The following UNC5C variants were observed in gnomAD, a reference collection of about 807,000 sequenced individuals.
UNC5C encodes the protein netrin receptor UNC5C.
In UNC5C, 47 loss-of-function variants were observed where a neutral mutation model predicts 99.8. The observed-to-expected ratio is 0.47, with a 90% CI of 0.37 to 0.60. UNC5C has a LOEUF of 0.60. Ranked by LOEUF, UNC5C falls within the 20% of genes least tolerant of loss-of-function variation. The pLI, the probability that UNC5C is intolerant of heterozygous loss-of-function variation, is 0.00. For synonymous variants in UNC5C, 487 were observed against 452.2 expected (o/e 1.08, Z -0.98); for missense variants, 1,062 against 1,165.9 (o/e 0.91, Z 1.30).
chr4:95,441,049 T>C (rs1320529639), intron 1 of UNC5C, among the ~76,000 whole-genome samples: 1 of 152,088 alleles, frequency 6.6e-6, no homozygotes, highest in Non-Finnish European at 1.5e-5. Context: ...GGACAGGTCA[T>C]TGGAAATAGA....
intron 2 of UNC5C, among the ~76,000 whole-genome samples, chr4:95,322,937 CAAA>C (rs34082198): frequency 2.2e-5 from 2 of 89,746 alleles, no homozygotes; most frequent in Non-Finnish European, 2.3e-5. Context: ...GATTCTGTCT[CAAA>C]AAAAAAAAAA....
intron 1 of UNC5C, among the ~76,000 whole-genome samples, chr4:95,419,027 G>A (rs1007279751): frequency 1.3e-5 from 2 of 152,046 alleles, no homozygotes; most frequent in African/African-American, 4.8e-5. Context: ...CAATATTTAA[G>A]CATCTCTTAT....
At position 95,362,249 on chromosome 4, in the gene UNC5C, C is replaced by T. The variant is rs148099020; in HGVS notation, c.125-26618G>A. ...GTTCGGTTTCCCACTCGCTTCCCCT[C>T]CTGCCCATCGGAGCGTTCCAATCCT... On this transcript the variant is annotated intron_variant, in intron 1 of 15. Transcript: ENST00000453304. Among the ~76,000 whole-genome samples the T allele has an allele frequency of 3.6e-3, 555 of 152,270 alleles. 2 individuals carry two copies. Among genetic ancestry groups the T allele is most frequent in the Non-Finnish European group, 6.7e-3 (459 of 68,032 alleles).
intron 4 of UNC5C, among the ~76,000 whole-genome samples, chr4:95,258,733 C>A (rs919304950): frequency 7.0e-6 from 1 of 143,742 alleles, no homozygotes; most frequent in Non-Finnish European, 1.5e-5. Flanking sequence ...TATGTGTAAT[C>A]GACCATCTTA....
At chr4:95,186,793 C>A (rs1367140744) in intron 12 of UNC5C, among the ~76,000 whole-genome samples, 1 of 152,114 alleles carries the variant, frequency 6.6e-6, no homozygotes, top group Non-Finnish European at 1.5e-5. Context: ...GTAGCTATGG[C>A]TTGTGACAGG....
rs376043904 is a variant in UNC5C, at chr4:95,163,031, C to G, written c.*6203G>C. 4 of 152,190 alleles carry G rather than the reference C, an allele frequency of 2.6e-5. No individual in the cohort carries two copies. Among genetic ancestry groups the G allele is most frequent in the African/African-American group, 4.8e-5 (2 of 41,448 alleles). The allele number at this position is 152,190 out of a possible 1,614,324, so 9.4% of individuals were successfully genotyped here. A position where few individuals can be genotyped will look rare whatever the true frequency, so the allele number is the denominator to read the frequency against. On this transcript the variant is annotated 3_prime_UTR_variant, in exon 16 of 16. Coordinates refer to ENST00000453304, the MANE Select transcript of UNC5C (RefSeq NM_003728.4). ...CAACTTGCTTCAGCTCAACATTAAA[C>G]TCAACACATATAACACCATGACATC...
intron 2 of UNC5C, among the ~76,000 whole-genome samples, chr4:95,330,240 G>C (rs1743059539): frequency 6.6e-6 from 1 of 151,646 alleles, no homozygotes; most frequent in African/African-American, 2.4e-5. Flanking sequence ...TAATGAGTTG[G>C]GTTTTCCTCA....
chr4:95,214,648 T>G (rs1012646112), intron 10 of UNC5C, among the ~76,000 whole-genome samples: 1 of 152,226 alleles, frequency 6.6e-6, no homozygotes, highest in Non-Finnish European at 1.5e-5. Context: ...AATGATAATC[T>G]GATGGAAAAT....
chr4:95,524,230 T>A (rs944423462), intron 1 of UNC5C, among the ~76,000 whole-genome samples: 1 of 152,186 alleles, frequency 6.6e-6, no homozygotes, highest in Admixed American at 6.5e-5. Context: ...TATGTTTCAA[T>A]CCTAACCCTG....
chr4:95,279,508 G>T (rs1475700677), intron 3 of UNC5C, among the ~76,000 whole-genome samples: 1 of 152,084 alleles, frequency 6.6e-6, no homozygotes, highest in Admixed American at 6.5e-5. Context: ...TAATGGTTTG[G>T]CTTTAAACTC....
chr4:95,399,603 G>C (rs1745627925), intron 1 of UNC5C, among the ~76,000 whole-genome samples: 1 of 152,106 alleles, frequency 6.6e-6, no homozygotes, highest in South Asian at 2.1e-4. Context: ...TTCTCCGAAA[G>C]ACCTAATTGT....
In UNC5C at chr4:95,476,051, G is replaced by C. The variant is rs201522091; in HGVS notation, c.124+72683C>G. 3.3e-4 allele frequency among the ~76,000 whole-genome samples: 50 copies of C among 152,068 alleles called. 1 individual carries two copies. The East Asian group carries it at 9.5e-3, about 29-fold the overall frequency. ...ATATGATGAACTGTAATAACTTAAC[G>C]GGCCCATTTTGTTCACTATGATTAA... On this transcript the variant is annotated intron_variant, in intron 1 of 15. Coordinates refer to ENST00000453304, the MANE Select transcript of UNC5C (RefSeq NM_003728.4).
intron 3 of UNC5C, among the ~76,000 whole-genome samples, chr4:95,300,730 A>C (rs961111644): frequency 6.6e-6 from 1 of 152,194 alleles, no homozygotes; most frequent in Non-Finnish European, 1.5e-5. Flanking sequence ...CTTAAAACAA[A>C]AAATAAAAGG....
chr4:95,445,442 G>T (rs1483908930), intron 1 of UNC5C, among the ~76,000 whole-genome samples: 1 of 151,812 alleles, frequency 6.6e-6, no homozygotes, highest in African/African-American at 2.4e-5. Flanking sequence ...TTCCAATTCC[G>T]CTCTTGATAA....
At chr4:95,368,291 T>A (rs1744634244) in intron 1 of UNC5C, among the ~76,000 whole-genome samples, 1 of 118,444 alleles carries the variant, frequency 8.4e-6, no homozygotes, top group South Asian at 2.5e-4. Context: ...TTATAACATC[T>A]TTTTTGAAAA....
At chr4:95,181,167 G>C (rs1435407292) in intron 14 of UNC5C, among the ~76,000 whole-genome samples, 1 of 152,162 alleles carries the variant, frequency 6.6e-6, no homozygotes, top group Non-Finnish European at 1.5e-5. Flanking sequence ...CCCGCCCTCA[G>C]TTAAATATGC....
At chr4:95,349,386 CCA>C (rs150864607) in intron 1 of UNC5C, among the ~76,000 whole-genome samples, 38 of 124,254 alleles carry the variant, frequency 3.1e-4, no homozygotes, top group Admixed American at 3.0e-4. Context: ...ACACACACAC[CCA>C]CACACACACA....
At chr4:95,432,776 G>A (rs754833854) in intron 1 of UNC5C, among the ~76,000 whole-genome samples, 11 of 152,070 alleles carry the variant, frequency 7.2e-5, no homozygotes, top group Admixed American at 3.9e-4. Context: ...TGAAAACATG[G>A]GGAGATCAAG....
intron 1 of UNC5C, among the ~76,000 whole-genome samples, chr4:95,513,871 G>A (rs886443785): frequency 3.9e-5 from 6 of 152,014 alleles, no homozygotes; most frequent in South Asian, 2.1e-4. Flanking sequence ...TTTGTTTTGC[G>A]AATACATAGA....
Sources: gnomAD v4.1 joint callset for allele counts (sites outside exome capture counted in the v4.1 genomes callset) on GRCh38, gnomAD v4.1.1 for gene constraint, MANE v1.5 for transcripts, NCBI Gene and HGNC (gene_info 2026-07-23, HGNC 2026-07-21) for gene names.